TAOK3: variants seen among roughly 807,000 people sequenced by gnomAD.
TAOK3 encodes serine/threonine-protein kinase TAO3.
A neutral mutation model predicts 120.4 loss-of-function variants in TAOK3; 40 were observed. The ratio of observed to expected loss-of-function variants is 0.33; its 90% CI spans 0.26 to 0.43. The LOEUF (loss-of-function observed/expected upper bound fraction) is 0.43, where lower values mean the gene tolerates loss of function less well. Among genes scored for constraint, TAOK3 ranks in the 20% least tolerant of loss-of-function variants. TAOK3 has a pLI of 1.00. For missense variants in TAOK3, 821 were observed against 1,112.1 expected, an observed-to-expected ratio of 0.74 and a Z score of 3.72; for synonymous variants, 355 against 387.5, an observed-to-expected ratio of 0.92 and a Z score of 0.99.
chr12:118,221,966 G>A (rs61945183), intron 9 of TAOK3, among the ~76,000 whole-genome samples: 18,412 of 151,940 alleles, frequency 0.12, 1,200 homozygotes, highest in Middle Eastern at 0.15. Context: ...AAGGAAAAAG[G>A]TAGAAGCATA....
chr12:118,249,372 G>A (rs749330922), intron 3 of TAOK3, among the ~76,000 whole-genome samples: 15 of 152,004 alleles, frequency 9.9e-5, no homozygotes, highest in Non-Finnish European at 2.2e-4. Context: ...GACCAGTCTG[G>A]CCAACATGGT....
intron 17 of TAOK3, among the ~76,000 whole-genome samples, chr12:118,170,020 C>A (rs1342143779): frequency 6.6e-6 from 1 of 152,184 alleles, no homozygotes; most frequent in Non-Finnish European, 1.5e-5. Context: ...TGCGCCCGGC[C>A]TCTCTCGTAT....
At chr12:118,315,413 G>T (rs112993615) in intron 1 of TAOK3, among the ~76,000 whole-genome samples, 6 of 152,064 alleles carry the variant, frequency 3.9e-5, no homozygotes, top group African/African-American at 1.4e-4. Flanking sequence ...AGAATCATAT[G>T]CAGGATATAT....
At chr12:118,268,922 C>T (rs943077206) in intron 1 of TAOK3, among the ~76,000 whole-genome samples, 10 of 151,866 alleles carry the variant, frequency 6.6e-5, no homozygotes, top group African/African-American at 2.4e-4. Context: ...GCAGGAGAAT[C>T]GCTTGAACCT....
chr12:118,282,724 G>A (rs542134145), intron 1 of TAOK3, among the ~76,000 whole-genome samples: 1 of 152,182 alleles, frequency 6.6e-6, no homozygotes, highest in South Asian at 2.1e-4. Context: ...CTGCTCTACT[G>A]GACTCTTATC....
intron 2 of TAOK3, among the ~76,000 whole-genome samples, chr12:118,262,741 C>T (rs891245195): frequency 1.3e-5 from 2 of 149,212 alleles, no homozygotes; most frequent in Admixed American, 6.7e-5. Context: ...GCAGGAGAAT[C>T]GCTTGAAACC....
At chr12:118,359,574 A>T (rs896604470) in intron 1 of TAOK3, 3 of 152,262 alleles carry the variant, frequency 2.0e-5, no homozygotes, top group African/African-American at 7.2e-5. Flanking sequence ...TTGCAAATTG[A>T]AAGTTAATTC....
intron 4 of TAOK3, among the ~76,000 whole-genome samples, chr12:118,243,723 C>A (rs756046157): frequency 6.6e-6 from 1 of 152,164 alleles, no homozygotes; most frequent in African/African-American, 2.4e-5. Context: ...ATCGCCCAGG[C>A]TGGACTGCAG....
intron 1 of TAOK3, among the ~76,000 whole-genome samples, chr12:118,344,744 A>G (rs901482062): frequency 6.6e-6 from 1 of 152,200 alleles, no homozygotes; most frequent in East Asian, 1.9e-4. Flanking sequence ...TATCACTGTT[A>G]AAAATACTAT....
At chr12:118,277,620 C>T (rs1180435111) in intron 1 of TAOK3, among the ~76,000 whole-genome samples, 1 of 151,940 alleles carries the variant, frequency 6.6e-6, no homozygotes. Context: ...ACCACCATGC[C>T]TGGCTAATTT....
intron 3 of TAOK3, among the ~76,000 whole-genome samples, chr12:118,254,982 T>C (rs1312661984): frequency 6.6e-6 from 1 of 152,118 alleles, no homozygotes; most frequent in Non-Finnish European, 1.5e-5. Flanking sequence ...CAGGATGGTC[T>C]CGATCTCCTG....
intron 1 of TAOK3, among the ~76,000 whole-genome samples, chr12:118,316,917 C>T (rs2043486206): frequency 6.6e-6 from 1 of 152,038 alleles, no homozygotes; most frequent in Non-Finnish European, 1.5e-5. Flanking sequence ...ATTATTCCTC[C>T]TTGGAATAAA....
At chr12:118,224,748 T>C (rs1305313203) in intron 9 of TAOK3, among the ~76,000 whole-genome samples, 1 of 152,166 alleles carries the variant, frequency 6.6e-6, no homozygotes, top group Non-Finnish European at 1.5e-5. Context: ...AGAAGGACAG[T>C]GTCAGTAACA....
At chr12:118,197,208 T>G (rs2037773854) in intron 13 of TAOK3, among the ~76,000 whole-genome samples, 1 of 152,196 alleles carries the variant, frequency 6.6e-6, no homozygotes, top group Admixed American at 6.5e-5. Context: ...AAAGTTTTAT[T>G]TGCAAATGTG....
chr12:118,340,788 A>C (rs1341517030), intron 1 of TAOK3, among the ~76,000 whole-genome samples: 1 of 151,578 alleles, frequency 6.6e-6, no homozygotes, highest in Non-Finnish European at 1.5e-5. Flanking sequence ...AAAAAAAAAA[A>C]AAACATTGGC....
chr12:118,196,094 T>TAAATAAATAAAA lies in TAOK3; in HGVS notation c.1194+2956_1194+2957insTTTTATTTATTT, dbSNP rs1338241804. Among the ~76,000 whole-genome samples, 877 of 145,992 alleles carry TAAATAAATAAAA rather than the reference T, an allele frequency of 6.0e-3. 8 individuals carry two copies. The highest frequency in any genetic ancestry group is 0.02 in the African/African-American group (816 of 39,826). ...ATAAATAAATAAATAAATAAATAAA[T>TAAATAAATAAAA]AAAAGGAAGTTTGGATTAGGATCCC... On this transcript the variant is annotated intron_variant, in intron 13 of 20. Transcript: ENST00000392533.
chr12:118,262,270 T>TCAGG (rs1350813123), intron 2 of TAOK3, among the ~76,000 whole-genome samples: 1 of 151,966 alleles, frequency 6.6e-6, no homozygotes, highest in Non-Finnish European at 1.5e-5. Flanking sequence ...GATCACAAGG[T>TCAGG]CAGGAGTTCA....
chr12:118,342,994 C>T (rs75094161), intron 1 of TAOK3, among the ~76,000 whole-genome samples: 1 of 140,266 alleles, frequency 7.1e-6, no homozygotes, highest in African/African-American at 2.7e-5. Context: ...AGAAGTCTTG[C>T]AATATTTGCA....
At position 118,333,702 on chromosome 12, in the gene TAOK3, GA is replaced by G. The variant is rs113559986; in HGVS notation, c.-194+38945del. Among the ~76,000 whole-genome samples, 1,008 of 149,356 alleles carry G rather than the reference GA, an allele frequency of 6.7e-3. 13 individuals carry two copies. Among genetic ancestry groups the G allele is most frequent in the African/African-American group, 0.023 (933 of 40,744 alleles). ...TCAATGAAATCAAAACTAGTTATTT[GA>G]AAAAAAAATCAATAAAATTTGTAAA... On this transcript the variant is annotated intron_variant, in intron 1 of 20. Transcript: ENST00000392533.
Sources: gnomAD v4.1 joint callset for allele counts (sites outside exome capture counted in the v4.1 genomes callset) on GRCh38, gnomAD v4.1.1 for gene constraint, MANE v1.5 for transcripts, NCBI Gene and HGNC (gene_info 2026-07-23, HGNC 2026-07-21) for gene names.